The following GIMAP2 variants were observed in gnomAD, a reference collection of about 807,000 sequenced individuals.
The protein encoded by GIMAP2 is GTPase IMAP family member 2.
Under a neutral mutation model 25.5 loss-of-function variants are expected in GIMAP2, and 22 were observed. The ratio of observed to expected loss-of-function variants is 0.86; its 90% CI spans 0.62 to 1.23. The LOEUF is 1.23. Ranked by LOEUF, GIMAP2 falls within the 50% of genes most tolerant of loss-of-function variation. The pLI is 0.00. For synonymous variants in GIMAP2, 167 were observed against 143.0 expected (o/e 1.17, Z -1.20); for missense variants, 422 against 395.7 (o/e 1.07, Z -0.56).
At chr7:150,689,647 C>A in intron 2 of GIMAP2, 2 of 650,304 alleles carry the variant, frequency 3.1e-6, no homozygotes, top group Non-Finnish European at 5.7e-6. Context: ...TACTGTGAGG[C>A]CATAATTTCA....
chr7:150,692,500 G>T lies in GIMAP2; in HGVS notation c.214G>T (p.Glu72Ter). ...AAGTCAGGGAAGCTGGGGAAATAGA[G>T]AGATTGTCATTATTGACACACCAGA... is the stretch of plus-strand genomic sequence containing the variant. ...SKSQGSWGNREIVIIDTPDMF... is the reference protein window; with the variant it reads ...SKSQGSWGNR The change falls in exon 3 of 3, where the codon GAG becomes TAG. Residue 72 changes from glutamate (E) to a stop codon, truncating the protein, a stop_gained. Coordinates refer to ENST00000223293, the MANE Select transcript of GIMAP2 (RefSeq NM_015660.3). LOFTEE classifies it high-confidence loss of function. 1 of 1,614,172 alleles carries T rather than the reference G, an allele frequency of 6.2e-7. No individual in the cohort carries two copies. Among genetic ancestry groups the T allele is most frequent in the African/African-American group, 1.3e-5 (1 of 75,060 alleles).
At chr7:150,688,727 G>A (rs1404230332) in intron 2 of GIMAP2, among the ~76,000 whole-genome samples, 2 of 152,118 alleles carry the variant, frequency 1.3e-5, no homozygotes, top group Non-Finnish European at 2.9e-5. Context: ...AGAAGGTGGA[G>A]TGCTTGAGTC....
intron 2 of GIMAP2, 51 bp downstream of exon 2, chr7:150,687,138 G>T: frequency 1.8e-6 from 2 of 1,123,204 alleles, no homozygotes; most frequent in Non-Finnish European, 2.6e-6. Context: ...GTGTGTGTGT[G>T]TGTGTGTGTG....
Position 150,692,775 on chromosome 7 carries a change from A to T in GIMAP2, c.489A>T (p.Ser163=), listed in dbSNP as rs1411782217. 6.2e-7 allele frequency: 1 copy of T among 1,614,254 alleles called. No homozygotes were observed. Among genetic ancestry groups the T allele is most frequent in the Non-Finnish European group, 8.5e-7 (1 of 1,180,054 alleles). ...CCCTGATGGATTACATGCACGACTCAGATAACAAAGCCCTAAGCAAGCTGG... is the reference window on the plus strand; with the variant it reads ...CCCTGATGGATTACATGCACGACTCTGATAACAAAGCCCTAAGCAAGCTGG... ...GGSLMDYMHD[S]DNKALSKLVA... The change falls in exon 3 of 3, where the codon TCA becomes TCT. Residue 163 remains serine, a synonymous_variant. Transcript: ENST00000223293.
At chr7:150,687,282 G>C in intron 2 of GIMAP2, 195 bp downstream of exon 2, 5 of 576,130 alleles carry the variant, frequency 8.7e-6, no homozygotes, top group Non-Finnish European at 3.1e-6. Context: ...TTGTTTGTTT[G>C]TTTGTTTTGA....
chr7:150,691,011 C>T lies in GIMAP2; in HGVS notation c.29-1304C>T, dbSNP rs148000712. Among the ~76,000 whole-genome samples, 791 of 152,296 alleles carry T rather than the reference C, an allele frequency of 5.2e-3. 8 individuals are homozygous for T. Among genetic ancestry groups the T allele is most frequent in the Middle Eastern group, 0.034 (10 of 294 alleles). On this transcript the variant is annotated intron_variant, in intron 2 of 2. Coordinates refer to ENST00000223293, the MANE Select transcript of GIMAP2 (RefSeq NM_015660.3). ...ACATGAGAGTAAGGAACAGCTAAACCGCAAAAGGCAATGAGCTTAGCAGGA... is the reference window on the plus strand; with the variant it reads ...ACATGAGAGTAAGGAACAGCTAAACTGCAAAAGGCAATGAGCTTAGCAGGA...
chr7:150,690,064 T>A (rs1354523071), intron 2 of GIMAP2, among the ~76,000 whole-genome samples: 1 of 152,242 alleles, frequency 6.6e-6, no homozygotes, highest in African/African-American at 2.4e-5. Context: ...GGGTGAATTA[T>A]ATCTATACTG....
At chr7:150,690,133 T>C (rs948784573) in intron 2 of GIMAP2, among the ~76,000 whole-genome samples, 1 of 152,184 alleles carries the variant, frequency 6.6e-6, no homozygotes, top group Non-Finnish European at 1.5e-5. Flanking sequence ...GCACAGTGAC[T>C]CTTGTAACTC....
chr7:150,691,470 T>C (rs1003063998), intron 2 of GIMAP2, among the ~76,000 whole-genome samples: 1 of 152,224 alleles, frequency 6.6e-6, no homozygotes, highest in Non-Finnish European at 1.5e-5. Flanking sequence ...TATACCAAAA[T>C]TATGCCATGC....
At chr7:150,691,040 T>G (rs547035676) in intron 2 of GIMAP2, among the ~76,000 whole-genome samples, 1 of 151,988 alleles carries the variant, frequency 6.6e-6, no homozygotes, top group Admixed American at 6.5e-5. Flanking sequence ...AGCAGGAGAG[T>G]CTTAGTTTGT....
intron 2 of GIMAP2, among the ~76,000 whole-genome samples, chr7:150,690,239 G>A (rs1005887980): frequency 6.6e-6 from 1 of 152,148 alleles, no homozygotes; most frequent in Non-Finnish European, 1.5e-5. Flanking sequence ...AACTGCTCAA[G>A]ATGCCATCTC....
At chr7:150,687,117 T>TGTGTGA (rs1796912310) in intron 2 of GIMAP2, 30 bp downstream of exon 2, 1 of 642,424 alleles carries the variant, frequency 1.6e-6, no homozygotes, top group Admixed American at 3.1e-5. Flanking sequence ...TGTGTGTGTG[T>TGTGTGA]GTGTGTGTGT....
In GIMAP2 at chr7:150,692,529, G is replaced by C; in HGVS notation, c.243G>C (p.Met81Ile). The stretch of plus-strand genomic sequence containing the variant: ...TTGTCATTATTGACACACCAGATAT[G>C]TTTTCTTGGAAGGACCACTGTGAAG... The part of the protein sequence containing the change: ...REIVIIDTPD[M>I]FSWKDHCEAL... The change falls in exon 3 of 3, where the codon ATG (methionine) becomes ATC (isoleucine). Residue 81 changes from methionine to isoleucine, a missense_variant. Transcript: ENST00000223293. 2.5e-6 allele frequency: 4 copies of C among 1,614,174 alleles called. No homozygotes were observed. The highest frequency in any genetic ancestry group is 3.4e-6 in the Non-Finnish European group (4 of 1,180,018).
In GIMAP2 at chr7:150,692,543, A is replaced by G; in HGVS notation, c.257A>G (p.Asp86Gly). Residue 86 changes from aspartate (D) to glycine (G), a missense_variant, in exon 3 of 3, where the codon GAC becomes GGC. Coordinates refer to ENST00000223293, the MANE Select transcript of GIMAP2 (RefSeq NM_015660.3). ...IDTPDMFSWK[D>G]HCEALYKEVQ... is the part of the protein sequence containing the mutation. ...ACACCAGATATGTTTTCTTGGAAGG[A>G]CCACTGTGAAGCTCTGTACAAAGAG... 3 of 1,614,160 alleles carry G rather than the reference A, an allele frequency of 1.9e-6. No homozygotes were observed. The Middle Eastern group carries it at 4.9e-4, about 266-fold the overall frequency.
rs199711863 is a variant in GIMAP2 at position 150,692,287 on chromosome 7, G to A, written c.29-28G>A. The A allele has an allele frequency of 2.2e-5, 35 of 1,604,068 alleles. No homozygotes were observed. The African/African-American group carries it at 3.2e-4, about 15-fold the overall frequency. The stretch of plus-strand genomic sequence containing the variant: ...ATTCCACTGCCGTGATCAGTGTAGC[G>A]ATAACACAGTAAACTTGCTCCTCAC... On this transcript the variant is annotated intron_variant, in intron 2 of 2. Transcript: ENST00000223293.
chr7:150,690,630 C>T (rs766402856), intron 2 of GIMAP2, among the ~76,000 whole-genome samples: 1 of 152,194 alleles, frequency 6.6e-6, no homozygotes, highest in Non-Finnish European at 1.5e-5. Context: ...CAAGTTACTT[C>T]ATCTATAAGG....
Position 150,687,083 on chromosome 7 carries a change from C to G in GIMAP2, c.24C>G (p.His8Gln), listed in dbSNP as rs146918232. 6.8e-6 allele frequency: 11 copies of G among 1,606,676 alleles called. No homozygotes were observed. In the African/African-American group the frequency reaches 1.4e-4, roughly 20 times the overall value. ...CAATGGACCAAAATGAACACAGTCA[C>G]TGGGGTAAGAAGGTGACTTCACGTG... MDQNEHS[H>Q]WGPHAKGQCA... Residue 8 changes from histidine to glutamine, a missense_variant, in exon 2 of 3, where the codon CAC becomes CAG. Coordinates refer to ENST00000223293, the MANE Select transcript of GIMAP2 (RefSeq NM_015660.3).
chr7:150,689,136 G>T (rs1796937544), intron 2 of GIMAP2, among the ~76,000 whole-genome samples: 1 of 152,216 alleles, frequency 6.6e-6, no homozygotes, highest in Non-Finnish European at 1.5e-5. Context: ...AAAGGAAATA[G>T]ACACCAATTT....
intron 2 of GIMAP2, among the ~76,000 whole-genome samples, chr7:150,688,220 T>C (rs1160912473): frequency 1.3e-5 from 2 of 152,152 alleles, no homozygotes; most frequent in African/African-American, 4.8e-5. Flanking sequence ...AACCTCTGCC[T>C]CTCAGGTTCA....
Sources: allele counts gnomAD v4.1 joint callset (sites outside exome capture counted in the v4.1 genomes callset), GRCh38; gene constraint gnomAD v4.1.1; transcripts MANE v1.5; gene names NCBI Gene and HGNC (gene_info 2026-07-23, HGNC 2026-07-21).